CACHD1: variants seen among roughly 807,000 people sequenced by gnomAD.
The protein encoded by CACHD1 is cache domain containing 1.
Under a neutral mutation model 138.7 loss-of-function variants are expected in CACHD1, and 71 were observed. That is an observed-to-expected ratio of 0.51 (90% confidence interval 0.42 to 0.62). CACHD1 has a LOEUF of 0.62. CACHD1 is among the 20% of genes least tolerant of loss of function. The pLI, the probability that CACHD1 is intolerant of heterozygous loss-of-function variation, is 0.00. For missense variants in CACHD1, 1,389 were observed against 1,625.3 expected, an observed-to-expected ratio of 0.85 and a Z score of 2.50; for synonymous variants, 578 against 591.5, an observed-to-expected ratio of 0.98 and a Z score of 0.33.
chr1:64,493,682 C>A (rs1447299654), intron 1 of CACHD1, among the ~76,000 whole-genome samples: 1 of 152,170 alleles, frequency 6.6e-6, no homozygotes, highest in Non-Finnish European at 1.5e-5. Context: ...TTTGTCTATA[C>A]CTTCTTTTCC....
intron 12 of CACHD1, among the ~76,000 whole-genome samples, chr1:64,657,408 T>C (rs1388902479): frequency 6.6e-6 from 1 of 152,192 alleles, no homozygotes; most frequent in Non-Finnish European, 1.5e-5. Context: ...TAGACCCAAT[T>C]ATAAAATTAT....
At chr1:64,617,023 C>T (rs1447136577) in intron 4 of CACHD1, among the ~76,000 whole-genome samples, 7 of 150,030 alleles carry the variant, frequency 4.7e-5, no homozygotes, top group Non-Finnish European at 1.0e-4. Flanking sequence ...AAAATGTTTA[C>T]ATGCCAAAGA....
At chr1:64,531,507 G>A (rs982720436) in intron 1 of CACHD1, among the ~76,000 whole-genome samples, 14 of 151,574 alleles carry the variant, frequency 9.2e-5, no homozygotes, top group African/African-American at 2.9e-4. Context: ...GTGTGTGTGT[G>A]TGTGTGTGTG....
intron 19 of CACHD1, 32 bp downstream of exon 19, chr1:64,673,496 T>A: frequency 1.3e-6 from 2 of 1,491,122 alleles, no homozygotes; most frequent in Non-Finnish European, 1.9e-6. Context: ...ACACTCTCAT[T>A]TTTCCATCCC....
At chr1:64,516,872 G>T (rs1344686816) in intron 1 of CACHD1, among the ~76,000 whole-genome samples, 1 of 152,164 alleles carries the variant, frequency 6.6e-6, no homozygotes, top group Non-Finnish European at 1.5e-5. Flanking sequence ...AAACAAAATT[G>T]CAAAACTTGT....
chr1:64,540,700 A>G (rs1646670874), intron 1 of CACHD1, among the ~76,000 whole-genome samples: 1 of 152,212 alleles, frequency 6.6e-6, no homozygotes, highest in African/African-American at 2.4e-5. Context: ...GATCAAGACT[A>G]GAAACTCTTC....
chr1:64,514,192 C>T (rs1398937121), intron 1 of CACHD1, among the ~76,000 whole-genome samples: 2 of 152,188 alleles, frequency 1.3e-5, no homozygotes, highest in Non-Finnish European at 1.5e-5. Context: ...AAACTGTGAA[C>T]ATCCCCCAGT....
intron 26 of CACHD1, among the ~76,000 whole-genome samples, chr1:64,686,868 G>GT (rs1183087079): frequency 2.0e-5 from 3 of 152,068 alleles, no homozygotes; most frequent in African/African-American, 7.2e-5. Flanking sequence ...GTAGATGAAC[G>GT]TAAGACCATT....
intron 13 of CACHD1, 121 bp from the exon 14 acceptor site, chr1:64,663,574 G>A: frequency 6.6e-6 from 8 of 1,217,984 alleles, no homozygotes; most frequent in East Asian, 2.4e-5. Context: ...AAGAAAAAAA[G>A]GAAAAAAAAA....
intron 1 of CACHD1, among the ~76,000 whole-genome samples, chr1:64,500,042 A>C (rs1357523931): frequency 1.3e-5 from 2 of 152,222 alleles, no homozygotes; most frequent in Non-Finnish European, 2.9e-5. Flanking sequence ...TATGTCTTCT[A>C]AGGATTGATG....
At chr1:64,624,895 G>A (rs1358686653) in intron 4 of CACHD1, among the ~76,000 whole-genome samples, 1 of 152,192 alleles carries the variant, frequency 6.6e-6, no homozygotes, top group Non-Finnish European at 1.5e-5. Context: ...AGTATATTTT[G>A]CATATCTTTG....
intron 4 of CACHD1, among the ~76,000 whole-genome samples, chr1:64,604,710 T>G (rs1310485571): frequency 2.6e-5 from 4 of 152,184 alleles, no homozygotes; most frequent in Non-Finnish European, 5.9e-5. Context: ...TGGAGTGCAG[T>G]GGCGTGATCA....
intron 2 of CACHD1, among the ~76,000 whole-genome samples, chr1:64,576,593 G>A (rs1646969671): frequency 6.6e-6 from 1 of 152,096 alleles, no homozygotes; most frequent in Admixed American, 6.5e-5. Context: ...GCTCCTCTCA[G>A]GCAGTGAGGT....
Position 64,555,041 on chromosome 1 carries a change from G to C in CACHD1, c.261+4385G>C, listed in dbSNP as rs146674862. Among the ~76,000 whole-genome samples the C allele has an allele frequency of 2.0e-4, 30 of 152,188 alleles. No homozygotes were observed. The East Asian group carries it at 4.3e-3, about 22-fold the overall frequency. On this transcript the variant is annotated intron_variant, in intron 2 of 26. Coordinates refer to ENST00000651257, the MANE Select transcript of CACHD1 (RefSeq NM_020925.4). ...GTTTTGCTCTGTCACTCCAGTTTGA[G>C]TGCTTGGTGCAATCACAGCTCACTA...
At chr1:64,607,645 C>G (rs992694930) in intron 4 of CACHD1, among the ~76,000 whole-genome samples, 6 of 152,124 alleles carry the variant, frequency 3.9e-5, no homozygotes, top group African/African-American at 1.4e-4. Context: ...ATTGCTAGAG[C>G]TTTTTCCCTG....
At chr1:64,478,723 G>A (rs1465559743) in intron 1 of CACHD1, among the ~76,000 whole-genome samples, 4 of 152,054 alleles carry the variant, frequency 2.6e-5, no homozygotes, top group African/African-American at 4.8e-5. Flanking sequence ...TTGCTATATC[G>A]AATTCATGTT....
rs1646232940 is a variant in CACHD1, at chr1:64,484,888, C to T, written c.198+13946C>T. On this transcript the variant is annotated intron_variant, in intron 1 of 26. Transcript: ENST00000651257. The stretch of plus-strand genomic sequence containing the variant: ...TTATCCATTCATCCATCAATGGACA[C>T]TTGGCTTGCTTCCACCTTTTGGCTA... Among the ~76,000 whole-genome samples the T allele has an allele frequency of 2.6e-5, 4 of 152,226 alleles. No individual in the cohort carries two copies. The South Asian group carries it at 8.3e-4, about 31-fold the overall frequency.
intron 1 of CACHD1, among the ~76,000 whole-genome samples, chr1:64,516,788 A>C (rs1646462780): frequency 6.6e-6 from 1 of 152,186 alleles, no homozygotes; most frequent in South Asian, 2.1e-4. Context: ...TTTCTAGGGA[A>C]ATTTTTTTCT....
intron 1 of CACHD1, among the ~76,000 whole-genome samples, chr1:64,474,911 C>T (rs1237331397): frequency 1.3e-5 from 2 of 152,182 alleles, no homozygotes; most frequent in African/African-American, 2.4e-5. Context: ...CAGACAGCTG[C>T]TGGATGAGGC....
Sources: gnomAD v4.1 joint callset for allele counts (sites outside exome capture counted in the v4.1 genomes callset) on GRCh38, gnomAD v4.1.1 for gene constraint, MANE v1.5 for transcripts, NCBI Gene and HGNC (gene_info 2026-07-23, HGNC 2026-07-21) for gene names.